The following SLC13A3 variants were observed in gnomAD, a reference collection of about 807,000 sequenced individuals.
SLC13A3 encodes the protein solute carrier family 13 member 3.
In SLC13A3, 40 loss-of-function variants were observed where a neutral mutation model predicts 59.0. That is an observed-to-expected ratio of 0.68 (90% confidence interval 0.53 to 0.88). The LOEUF is 0.88. Among genes scored for constraint, SLC13A3 ranks in the 40% least tolerant of loss-of-function variants. SLC13A3 has a pLI of 0.00. For synonymous variants in SLC13A3, 317 were observed against 330.3 expected (o/e 0.96, Z 0.44); for missense variants, 699 against 783.2 (o/e 0.89, Z 1.28).
chr20:46,615,325 G>A (rs1018328679), intron 1 of SLC13A3, among the ~76,000 whole-genome samples: 14 of 151,980 alleles, frequency 9.2e-5, no homozygotes, highest in East Asian at 3.9e-4. Flanking sequence ...ATCAAACAGC[G>A]CACCATCCTA....
At chr20:46,656,154 AAT>A (rs1341878813), upstream of SLC13A3, among the ~76,000 whole-genome samples, 3 of 143,880 alleles carry the variant, frequency 2.1e-5, no homozygotes, top group Non-Finnish European at 3.0e-5. Flanking sequence ...TACTGTATGT[AAT>A]AGACTGTACA....
chr20:46,657,711 T>C (rs1472953892), intron 1 of SLC13A3, among the ~76,000 whole-genome samples: 1 of 152,198 alleles, frequency 6.6e-6, no homozygotes, highest in Non-Finnish European at 1.5e-5. Context: ...TGCAAGGTTG[T>C]ACATGAAACA....
intron 9 of SLC13A3, among the ~76,000 whole-genome samples, chr20:46,579,906 T>C (rs917838104): frequency 1.3e-5 from 2 of 151,958 alleles, no homozygotes; most frequent in African/African-American, 4.8e-5. Context: ...TTAATTTAAG[T>C]GGGGATTGGC....
intron 1 of SLC13A3, among the ~76,000 whole-genome samples, chr20:46,626,147 G>GTC (rs1315012362): frequency 7.0e-6 from 1 of 142,530 alleles, no homozygotes; most frequent in African/African-American, 2.7e-5. Context: ...CTGTCTCTCT[G>GTC]TCTCTCTCTC....
chr20:46,559,864 T>C lies in SLC13A3; in HGVS notation c.*158A>G. 3.1e-6 allele frequency: 2 copies of C among 643,748 alleles called. No homozygotes were observed. Among genetic ancestry groups the C allele is most frequent in the Non-Finnish European group, 2.7e-6 (1 of 374,730 alleles). The allele number at this position is 643,748 out of a possible 1,614,324, so 39.9% of individuals were successfully genotyped here. On this transcript the variant is annotated 3_prime_UTR_variant, in exon 13 of 13. Coordinates refer to ENST00000279027, the MANE Select transcript of SLC13A3 (RefSeq NM_022829.6). ...AAGAGAGAGAAAGTATCCTAGATAA[T>C]GGCTCATGGACTTGAGTGGGCCACT...
chr20:46,583,031 G>A (rs2062153997), intron 9 of SLC13A3: 1 of 986,162 alleles, frequency 1.0e-6, no homozygotes, highest in Non-Finnish European at 1.2e-6. Flanking sequence ...TTTTCCATGT[G>A]TGGCTCCCTG....
At chr20:46,612,392 C>A (rs1300360285) in intron 2 of SLC13A3, among the ~76,000 whole-genome samples, 1 of 152,042 alleles carries the variant, frequency 6.6e-6, no homozygotes, top group Non-Finnish European at 1.5e-5. Flanking sequence ...CCTCAGCCTC[C>A]CAAAGTGCTG....
chr20:46,652,735 T>C (rs934601984), upstream of SLC13A3, among the ~76,000 whole-genome samples: 1 of 152,036 alleles, frequency 6.6e-6, no homozygotes, highest in African/African-American at 2.4e-5. Flanking sequence ...GTCACTTCTA[T>C]TCACTTCTGA....
In SLC13A3 at chr20:46,607,519, T is replaced by C. The variant is rs572842190; in HGVS notation, c.541+2927A>G. Among the ~76,000 whole-genome samples the C allele has an allele frequency of 6.6e-5, 10 of 152,328 alleles. No homozygotes were observed. In the South Asian group the frequency reaches 2.1e-3, roughly 32 times the overall value. On this transcript the variant is annotated intron_variant, in intron 3 of 12. Transcript: ENST00000279027. ...CAATTCCTGCTCCTCCCTGATCCCA[T>C]GGCCTGTAAAGGTAGGTATCTATCC...
At chr20:46,601,665 G>A (rs534489319) in intron 3 of SLC13A3, among the ~76,000 whole-genome samples, 1 of 152,344 alleles carries the variant, frequency 6.6e-6, no homozygotes, top group African/African-American at 2.4e-5. Context: ...ATCCTGGGGT[G>A]AGACACCTTC....
intron 1 of SLC13A3, among the ~76,000 whole-genome samples, chr20:46,667,215 A>G (rs2063066860): frequency 1.3e-5 from 2 of 152,158 alleles, no homozygotes; most frequent in South Asian, 4.1e-4. Context: ...GGAGGGACAA[A>G]GGCCCTCCAG....
In SLC13A3 at chr20:46,569,489, G is replaced by A. The variant is rs573064424; in HGVS notation, c.1333-3099C>T. On this transcript the variant is annotated intron_variant, in intron 10 of 12. Transcript: ENST00000279027. ...TTCTAGCTGTCACTTAACTTCCTAG[G>A]CAAGTCACTTAACCTCTCTGTGCTA... 5.5e-4 allele frequency among the ~76,000 whole-genome samples: 83 copies of A among 152,262 alleles called. No individual in the cohort carries two copies. In the South Asian group the frequency reaches 7.3e-3, roughly 13 times the overall value.
intron 3 of SLC13A3, among the ~76,000 whole-genome samples, chr20:46,609,848 G>A (rs958467995): frequency 3.3e-5 from 5 of 152,142 alleles, no homozygotes; most frequent in Non-Finnish European, 4.4e-5. Context: ...CACTATGTGC[G>A]TTCCCTCCTG....
intron 1 of SLC13A3, among the ~76,000 whole-genome samples, chr20:46,615,266 C>T (rs994289547): frequency 1.3e-4 from 20 of 152,178 alleles, no homozygotes; most frequent in African/African-American, 4.8e-4. Context: ...CATCTTATGG[C>T]TCTTACTTTA....
At chr20:46,624,977 G>A (rs1177516114) in intron 1 of SLC13A3, among the ~76,000 whole-genome samples, 1 of 146,646 alleles carries the variant, frequency 6.8e-6, no homozygotes, top group Non-Finnish European at 1.5e-5. Context: ...TTCTGAGAAG[G>A]GGGAGATCCT....
chr20:46,681,896 T>C (rs2063155666), intron 1 of SLC13A3: 1 of 152,174 alleles, frequency 6.6e-6, no homozygotes, highest in Admixed American at 6.5e-5. Flanking sequence ...CATTAATCTA[T>C]TAGTCCACAC....
intron 6 of SLC13A3, among the ~76,000 whole-genome samples, 199 bp from the exon 7 acceptor site, chr20:46,589,454 G>A (rs2062230706): frequency 6.6e-6 from 1 of 152,212 alleles, no homozygotes; most frequent in African/African-American, 2.4e-5. Flanking sequence ...CTTTGAAAAT[G>A]TGAATCTGAT....
chr20:46,583,713 G>GCGGGC, intron 8 of SLC13A3, 44 bp from the exon 9 acceptor site: 1 of 1,611,306 alleles, frequency 6.2e-7, no homozygotes, highest in Non-Finnish European at 8.5e-7. Flanking sequence ...GGGCATCTCA[G>GCGGGC]CGGGCCGAGG....
chr20:46,612,006 A>C (rs1230427432), intron 2 of SLC13A3, among the ~76,000 whole-genome samples: 6 of 151,770 alleles, frequency 4.0e-5, no homozygotes, highest in Admixed American at 3.9e-4. Context: ...AACAAAGTTG[A>C]GGTGTATGAG....
Sources: allele counts gnomAD v4.1 joint callset (sites outside exome capture counted in the v4.1 genomes callset), GRCh38; gene constraint gnomAD v4.1.1; transcripts MANE v1.5; gene names NCBI Gene and HGNC (gene_info 2026-07-23, HGNC 2026-07-21).